Variants in PCDHGB2 observed in about 807,000 individuals in gnomAD.
PCDHGB2 encodes protocadherin gamma-B2.
PCDHGB2 carries 55 observed loss-of-function variants against 59.3 expected under a neutral mutation model. The ratio of observed to expected loss-of-function variants is 0.93; its 90% CI spans 0.75 to 1.16. The LOEUF (loss-of-function observed/expected upper bound fraction) is 1.16. Among genes scored for constraint, PCDHGB2 ranks in the 50% most tolerant of loss-of-function variants. The pLI, the probability that PCDHGB2 is intolerant of heterozygous loss-of-function variation, is 0.00. For missense variants in PCDHGB2, 1,228 were observed against 1,198.5 expected, an observed-to-expected ratio of 1.02 and a Z score of -0.36; for synonymous variants, 516 against 512.0, an observed-to-expected ratio of 1.01 and a Z score of -0.11.
chr5:141,438,583 CATACATACATATATAT>C (rs1183800202), intron 1 of PCDHGB2, among the ~76,000 whole-genome samples: 1 of 57,610 alleles, frequency 1.7e-5, no homozygotes, highest in African/African-American at 9.0e-5. Context: ...TACATACATA[CATACATACATATATAT>C]ATATATATAT....
intron 1 of PCDHGB2, chr5:141,421,220 A>T (rs1178268746): frequency 6.3e-7 from 1 of 1,575,620 alleles, no homozygotes; most frequent in East Asian, 2.3e-5. Context: ...ATCGGCTTAG[A>T]GCCTGCCATG....
chr5:141,383,838 C>T, intron 1 of PCDHGB2: 1 of 1,613,892 alleles, frequency 6.2e-7, no homozygotes, highest in East Asian at 2.2e-5. Flanking sequence ...AAGAAACTGC[C>T]TTCTATGAAA....
intron 1 of PCDHGB2, chr5:141,364,429 C>T (rs1297312122): frequency 1.9e-6 from 3 of 1,613,650 alleles, no homozygotes; most frequent in Admixed American, 1.7e-5. Flanking sequence ...AGATCCGCTA[C>T]TCGATGCCGG....
chr5:141,449,588 C>CAAA (rs768743917), intron 1 of PCDHGB2, among the ~76,000 whole-genome samples: 1 of 57,476 alleles, frequency 1.7e-5, no homozygotes, highest in East Asian at 5.2e-4. Context: ...GACTCTGTCT[C>CAAA]AAAAAAAAAA....
chr5:141,499,089 A>G (rs1417307590), intron 2 of PCDHGB2, among the ~76,000 whole-genome samples: 2 of 152,116 alleles, frequency 1.3e-5, no homozygotes, highest in Non-Finnish European at 1.5e-5. Context: ...CCTGCTTGGC[A>G]CATGCTTCTC....
At chr5:141,406,827 A>G (rs2094856328) in intron 1 of PCDHGB2, among the ~76,000 whole-genome samples, 1 of 152,242 alleles carries the variant, frequency 6.6e-6, no homozygotes, top group South Asian at 2.1e-4. Context: ...CTAGAAATGA[A>G]CTTGCATATC....
intron 1 of PCDHGB2, among the ~76,000 whole-genome samples, chr5:141,381,821 TTC>T (rs1354203071): frequency 5.5e-5 from 7 of 126,128 alleles, no homozygotes; most frequent in African/African-American, 2.4e-4. Context: ...TCTTTCTTTC[TTC>T]TTCTTTTTTT....
At chr5:141,393,166 G>A in intron 1 of PCDHGB2, 2 of 1,613,244 alleles carry the variant, frequency 1.2e-6, no homozygotes, top group Non-Finnish European at 1.7e-6. Flanking sequence ...AAACTCTTTG[G>A]GGTAGAAATA....
chr5:141,419,117 G>T (rs1362880648), intron 1 of PCDHGB2: 1 of 1,613,718 alleles, frequency 6.2e-7, no homozygotes, highest in African/African-American at 1.3e-5. Context: ...AGAGTACAAC[G>T]TCACCATCGC....
At chr5:141,371,409 G>A in intron 1 of PCDHGB2, 7 of 1,614,022 alleles carry the variant, frequency 4.3e-6, no homozygotes, top group Non-Finnish European at 5.9e-6. Context: ...AGATATTTCA[G>A]ATGAAAATGA....
chr5:141,360,389 T>G lies in PCDHGB2; in HGVS notation c.254T>G (p.Leu85Arg). 6.2e-7 allele frequency: 1 copy of G among 1,613,908 alleles called. No homozygotes were observed. Among genetic ancestry groups the G allele is most frequent in the Non-Finnish European group, 8.5e-7 (1 of 1,179,832 alleles). Residue 85 changes from leucine (L) to arginine (R), a missense_variant, in exon 1 of 4, where the codon CTT becomes CGT. Around this residue, in one of 3 missense-constraint regions of PCDHGB2, gnomAD observed 781 missense variants for 721.6 expected, o/e 1.08. Coordinates refer to ENST00000522605, the MANE Select transcript of PCDHGB2 (RefSeq NM_018923.3). Reference sequence around the variant, plus strand: ...GTAAACCCAGAAAGCGGAGACTTACTTGTGAGTGACAGAATAGACCGAGAA... The same window carrying G: ...GTAAACCCAGAAAGCGGAGACTTACGTGTGAGTGACAGAATAGACCGAGAA... ...FTVNPESGDL[L>R]VSDRIDREQI...
rs780671252 is a variant in PCDHGB2, at chr5:141,398,519, C to G, written c.2421+35963C>G. 3.1e-6 allele frequency: 5 copies of G among 1,595,048 alleles called. No homozygotes were observed. The Admixed American group carries it at 6.8e-5, about 22-fold the overall frequency. On this transcript the variant is annotated intron_variant, in intron 1 of 3. Coordinates refer to ENST00000522605, the MANE Select transcript of PCDHGB2 (RefSeq NM_018923.3). ...ATCGAGGACATTAATGACCACACGC[C>G]AAAATTCACGCAAAATTCCTTTGAG...
chr5:141,450,104 T>A (rs1041853602), intron 1 of PCDHGB2, among the ~76,000 whole-genome samples: 1 of 150,664 alleles, frequency 6.6e-6, no homozygotes, highest in African/African-American at 2.5e-5. Flanking sequence ...CCTCCCAGGT[T>A]CAAATGATTC....
In PCDHGB2 at chr5:141,402,929, A is replaced by G. The variant is rs751760276; in HGVS notation, c.2421+40373A>G. 12 of 1,583,076 alleles carry G rather than the reference A, an allele frequency of 7.6e-6. No individual in the cohort carries two copies. In the South Asian group the frequency reaches 1.3e-4, roughly 17 times the overall value. On this transcript the variant is annotated intron_variant, in intron 1 of 3. Coordinates refer to ENST00000522605, the MANE Select transcript of PCDHGB2 (RefSeq NM_018923.3). ...AGCAGCGCGCACAGAGATCCTTTTG[A>G]GAAAATTCCAAAGCGAGGCAGCAAT...
At chr5:141,482,852 A>G (rs1237049208) in intron 1 of PCDHGB2, among the ~76,000 whole-genome samples, 1 of 144,420 alleles carries the variant, frequency 6.9e-6, no homozygotes, top group Non-Finnish European at 1.5e-5. Flanking sequence ...TGGGCAGATC[A>G]CTTGAGGTCA....
chr5:141,398,313 G>T lies in PCDHGB2; in HGVS notation c.2421+35757G>T, dbSNP rs1270917645. The T allele has an allele frequency of 6.6e-6, 9 of 1,358,982 alleles. No individual in the cohort carries two copies. The South Asian group carries it at 1.1e-4, about 16-fold the overall frequency. 84.2% of individuals were successfully genotyped at this position (1,358,982 alleles called of 1,614,324 possible). A position where few individuals can be genotyped will look rare whatever the true frequency, so the allele number is the denominator to read the frequency against. ...TGGGGTTCAGCGTCCAGGAGTTACC[G>T]ACTCGAAAACTGCGCGTCAGTTCGG... On this transcript the variant is annotated intron_variant, in intron 1 of 3. Transcript: ENST00000522605.
intron 1 of PCDHGB2, among the ~76,000 whole-genome samples, chr5:141,466,443 C>T (rs906096545): frequency 6.6e-6 from 1 of 152,186 alleles, no homozygotes; most frequent in African/African-American, 2.4e-5. Context: ...ACCGAGATGT[C>T]TATGGTGTTG....
intron 1 of PCDHGB2, chr5:141,389,851 C>T (rs375044667): frequency 6.2e-7 from 1 of 1,614,054 alleles, no homozygotes; most frequent in Non-Finnish European, 8.5e-7. Context: ...TCGGCCACTG[C>T]CACGTTGCAC....
At chr5:141,378,822 T>C (rs181427236) in intron 1 of PCDHGB2, 13 of 152,360 alleles carry the variant, frequency 8.5e-5, no homozygotes, top group Non-Finnish European at 1.6e-4. Flanking sequence ...CATTGTTTCA[T>C]GAACAGAAAA....
Sources: gnomAD v4.1 joint callset for allele counts (sites outside exome capture counted in the v4.1 genomes callset) on GRCh38, gnomAD v4.1.1 for gene constraint, gnomAD v4.1.1 regional missense constraint, MANE v1.5 for transcripts, NCBI Gene and HGNC (gene_info 2026-07-23, HGNC 2026-07-21) for gene names.